TMEM132D: variants seen among roughly 807,000 people sequenced by gnomAD.
The protein encoded by TMEM132D is mature OL transmembrane protein.
A neutral mutation model predicts 62.3 loss-of-function variants in TMEM132D; 21 were observed. The observed-to-expected ratio is 0.34, with a 90% CI of 0.24 to 0.49. The LOEUF is 0.49. Ranked by LOEUF, TMEM132D falls within the 20% of genes least tolerant of loss-of-function variation. The pLI is 0.99. For synonymous variants in TMEM132D, 621 were observed against 575.6 expected (o/e 1.08, Z -1.13); for missense variants, 1,346 against 1,402.8 (o/e 0.96, Z 0.65).
At chr12:129,196,711 C>T (rs932251523) in intron 5 of TMEM132D, among the ~76,000 whole-genome samples, 1 of 152,000 alleles carries the variant, frequency 6.6e-6, no homozygotes, top group African/African-American at 2.4e-5. Context: ...TGATGTGTTC[C>T]CATTTCTCCA....
At chr12:129,273,162 C>T (rs549823484) in intron 4 of TMEM132D, among the ~76,000 whole-genome samples, 8 of 151,824 alleles carry the variant, frequency 5.3e-5, no homozygotes, top group South Asian at 2.1e-4. Flanking sequence ...CGCCCCTGCA[C>T]GCCAGACTGG....
chr12:129,262,692 T>C (rs1314826557), intron 4 of TMEM132D: 1 of 152,224 alleles, frequency 6.6e-6, no homozygotes, highest in Non-Finnish European at 1.5e-5. Flanking sequence ...GACTGTCTCA[T>C]TGTTGTGACC....
intron 3 of TMEM132D, among the ~76,000 whole-genome samples, chr12:129,429,771 TC>T (rs1477390454): frequency 7.2e-6 from 1 of 138,374 alleles, no homozygotes; most frequent in Admixed American, 7.5e-5. Context: ...TGTGTGATGT[TC>T]CCCTCCCTGT....
chr12:129,503,266 C>T (rs1046343044), intron 3 of TMEM132D, among the ~76,000 whole-genome samples: 18 of 151,774 alleles, frequency 1.2e-4, no homozygotes, highest in Non-Finnish European at 1.6e-4. Flanking sequence ...TGTAGAAAGT[C>T]GACAGAAGAA....
chr12:129,586,223 C>A (rs1265681447), intron 2 of TMEM132D, among the ~76,000 whole-genome samples: 1 of 150,412 alleles, frequency 6.6e-6, no homozygotes, highest in African/African-American at 2.5e-5. Flanking sequence ...TGATGGGAAT[C>A]ATGTAAGCCT....
intron 1 of TMEM132D, among the ~76,000 whole-genome samples, chr12:129,869,194 T>C (rs892933448): frequency 1.3e-5 from 2 of 152,168 alleles, no homozygotes; most frequent in African/African-American, 2.4e-5. Flanking sequence ...GTAAATATCT[T>C]TGAATTTCTC....
intron 1 of TMEM132D, among the ~76,000 whole-genome samples, chr12:129,756,266 G>T (rs906540344): frequency 1.3e-5 from 2 of 151,982 alleles, no homozygotes; most frequent in Admixed American, 6.6e-5. Context: ...TTATTAAGTG[G>T]GTTAAATGTC....
At chr12:129,696,064 A>T (rs1463006659) in intron 2 of TMEM132D, among the ~76,000 whole-genome samples, 1 of 152,232 alleles carries the variant, frequency 6.6e-6, no homozygotes, top group African/African-American at 2.4e-5. Flanking sequence ...TACATCATTC[A>T]AGTGAATTAA....
At chr12:129,420,315 T>TTTG (rs1566063097) in intron 3 of TMEM132D, among the ~76,000 whole-genome samples, 1 of 58,134 alleles carries the variant, frequency 1.7e-5, no homozygotes, top group African/African-American at 4.9e-5. Context: ...TGTTTTTTTT[T>TTTG]TTTTTTTTTT....
intron 1 of TMEM132D, among the ~76,000 whole-genome samples, chr12:129,809,045 C>G (rs1000960364): frequency 3.9e-5 from 6 of 152,236 alleles, no homozygotes; most frequent in African/African-American, 1.4e-4. Context: ...CAGTGGCTCA[C>G]GCCTGTAATC....
intron 3 of TMEM132D, among the ~76,000 whole-genome samples, chr12:129,343,264 A>G (rs1212611289): frequency 6.6e-6 from 1 of 152,192 alleles, no homozygotes; most frequent in Non-Finnish European, 1.5e-5. Context: ...TGATGAGTTC[A>G]TGTCCTTTGT....
At chr12:129,470,563 C>A (rs187015769) in intron 3 of TMEM132D, among the ~76,000 whole-genome samples, 1 of 152,106 alleles carries the variant, frequency 6.6e-6, no homozygotes, top group South Asian at 2.1e-4. Flanking sequence ...GTGAGGACAT[C>A]GCTGCTTGCA....
chr12:129,225,854 C>T (rs560493694), intron 4 of TMEM132D, among the ~76,000 whole-genome samples: 1 of 152,156 alleles, frequency 6.6e-6, no homozygotes, highest in Non-Finnish European at 1.5e-5. Flanking sequence ...CTGCTGTTTA[C>T]CCAGTGGCCC....
intron 3 of TMEM132D, among the ~76,000 whole-genome samples, chr12:129,373,677 AC>A (rs1272433958): frequency 3.3e-5 from 5 of 152,108 alleles, no homozygotes; most frequent in African/African-American, 4.8e-5. Flanking sequence ...CAACAAAAAA[AC>A]ATTTAAAAGC....
chr12:129,784,708 T>TC (rs2137293559), intron 1 of TMEM132D, among the ~76,000 whole-genome samples: 1 of 152,282 alleles, frequency 6.6e-6, no homozygotes, highest in South Asian at 2.1e-4. Flanking sequence ...GCAGGAAGCA[T>TC]CCCCTGGGTG....
At chr12:129,321,896 A>G (rs1287926153) in intron 4 of TMEM132D, among the ~76,000 whole-genome samples, 3 of 152,208 alleles carry the variant, frequency 2.0e-5, no homozygotes, top group African/African-American at 7.2e-5. Flanking sequence ...CGTGGGACGA[A>G]TGTTTCCTTC....
chr12:129,897,061 A>G (rs1875163995), intron 1 of TMEM132D, among the ~76,000 whole-genome samples: 1 of 152,192 alleles, frequency 6.6e-6, no homozygotes, highest in Admixed American at 6.5e-5. Flanking sequence ...AGGTGACGGA[A>G]GCACCTAGCC....
chr12:129,705,860 T>C (rs1011413670), intron 1 of TMEM132D, among the ~76,000 whole-genome samples: 5 of 152,058 alleles, frequency 3.3e-5, no homozygotes, highest in African/African-American at 1.2e-4. Context: ...AACTTAAAAA[T>C]GCCAATAGAC....
At chr12:129,241,865 A>C (rs1879947018) in intron 4 of TMEM132D, among the ~76,000 whole-genome samples, 1 of 152,244 alleles carries the variant, frequency 6.6e-6, no homozygotes, top group African/African-American at 2.4e-5. Flanking sequence ...ATACTTGCTG[A>C]ATGGATGGCA....
Sources: allele counts gnomAD v4.1 joint callset (sites outside exome capture counted in the v4.1 genomes callset), GRCh38; gene constraint gnomAD v4.1.1; transcripts MANE v1.5; gene names NCBI Gene and HGNC (gene_info 2026-07-23, HGNC 2026-07-21).